The following UGT1A10 variants were observed in gnomAD, a reference collection of about 807,000 sequenced individuals.
UGT1A10 encodes the protein UDP-glucuronosyltransferase 1A10.
Under a neutral mutation model 45.8 loss-of-function variants are expected in UGT1A10, and 49 were observed. That is an observed-to-expected ratio of 1.07 (90% CI 0.85 to 1.36). The LOEUF is 1.36. Among genes scored for constraint, UGT1A10 ranks in the 40% most tolerant of loss-of-function variants. The pLI is 0.00. For missense variants in UGT1A10, 745 were observed against 668.6 expected, an observed-to-expected ratio of 1.11 and a Z score of -1.26; for synonymous variants, 284 against 249.7, an observed-to-expected ratio of 1.14 and a Z score of -1.29.
At chr2:233,683,902 G>A (rs2074655536) in intron 1 of UGT1A10, among the ~76,000 whole-genome samples, 1 of 151,996 alleles carries the variant, frequency 6.6e-6, no homozygotes, top group South Asian at 2.1e-4. Flanking sequence ...CTCTTATTTT[G>A]GCGGAGCATA....
At chr2:233,704,122 C>T (rs1488202849) in intron 1 of UGT1A10, among the ~76,000 whole-genome samples, 2 of 152,014 alleles carry the variant, frequency 1.3e-5, no homozygotes, top group African/African-American at 4.8e-5. Flanking sequence ...AACTCCTTAC[C>T]TCAAGTGATC....
chr2:233,725,184 GCAGA>G (rs1559370234), intron 1 of UGT1A10, among the ~76,000 whole-genome samples: 5 of 89,376 alleles, frequency 5.6e-5, no homozygotes, highest in African/African-American at 1.7e-4. Flanking sequence ...GTGGGGAGAG[GCAGA>G]GGCAGAGGCA....
chr2:233,760,970 C>T (rs767709240), intron 1 of UGT1A10: 2 of 1,614,170 alleles, frequency 1.2e-6, no homozygotes, highest in South Asian at 1.1e-5. Flanking sequence ...GTGGTTTATT[C>T]CCCGTATGCA....
chr2:233,647,161 A>G (rs1329548809), intron 1 of UGT1A10, among the ~76,000 whole-genome samples: 1 of 152,168 alleles, frequency 6.6e-6, no homozygotes, highest in Non-Finnish European at 1.5e-5. Flanking sequence ...ATCACGGGAA[A>G]CGCCCAGCCC....
chr2:233,704,701 T>C (rs960587846), intron 1 of UGT1A10, among the ~76,000 whole-genome samples: 4 of 152,232 alleles, frequency 2.6e-5, no homozygotes, highest in Non-Finnish European at 5.9e-5. Flanking sequence ...TGGTATCATT[T>C]CTTAGCCCAA....
At chr2:233,768,985 C>T (rs1366556370) in intron 4 of UGT1A10, among the ~76,000 whole-genome samples, 1 of 151,774 alleles carries the variant, frequency 6.6e-6, no homozygotes, top group East Asian at 1.9e-4. Context: ...AATTTTATTT[C>T]CCCCATTAGA....
chr2:233,745,240 T>C (rs1693048466), intron 1 of UGT1A10, among the ~76,000 whole-genome samples: 1 of 151,858 alleles, frequency 6.6e-6, no homozygotes, highest in Non-Finnish European at 1.5e-5. Flanking sequence ...CACTATTTAC[T>C]GTATCGAAAC....
At chr2:233,669,267 A>G (rs995327900) in intron 1 of UGT1A10, among the ~76,000 whole-genome samples, 4 of 148,548 alleles carry the variant, frequency 2.7e-5, no homozygotes, top group South Asian at 2.1e-4. Context: ...TTTTTTTTCT[A>G]TTTTTTAAAA....
chr2:233,687,751 T>A (rs2074861561), intron 1 of UGT1A10, among the ~76,000 whole-genome samples: 1 of 151,964 alleles, frequency 6.6e-6, no homozygotes, highest in Admixed American at 6.6e-5. Context: ...AAAAATGTTT[T>A]AAAAATTAGC....
At chr2:233,748,079 G>T in intron 1 of UGT1A10, 1 of 1,613,192 alleles carries the variant, frequency 6.2e-7, no homozygotes. Context: ...CACTATCTCA[G>T]GTCGGTGTTC....
At position 233,755,093 on chromosome 2, in the gene UGT1A10, C is replaced by T. The variant is rs566230339; in HGVS notation, c.856-11941C>T. 8.2e-6 allele frequency: 11 copies of T among 1,335,068 alleles called. No individual in the cohort carries two copies. The East Asian group carries it at 3.7e-4, about 44-fold the overall frequency. The allele number at this position is 1,335,068 out of a possible 1,614,324, so 82.7% of individuals were successfully genotyped here. A position where few individuals can be genotyped will look rare whatever the true frequency, so the allele number is the denominator to read the frequency against. ...AGCGGTCATAGATATCGCGTTTCTA[C>T]GCGTCCGACAACACCTCGTAGGCCT... On this transcript the variant is annotated intron_variant, in intron 1 of 4. Transcript: ENST00000344644.
At chr2:233,710,606 T>C (rs2076139270) in intron 1 of UGT1A10, among the ~76,000 whole-genome samples, 1 of 152,202 alleles carries the variant, frequency 6.6e-6, no homozygotes, top group African/African-American at 2.4e-5. Flanking sequence ...ATTGGTTTGT[T>C]TGTCTTCTTA....
At chr2:233,743,548 C>G in intron 1 of UGT1A10, 6 of 1,367,296 alleles carry the variant, frequency 4.4e-6, no homozygotes, top group Non-Finnish European at 5.9e-6. Flanking sequence ...CTGACCCCCC[C>G]AAAATATTCT....
chr2:233,690,627 A>G (rs1452524634), intron 1 of UGT1A10: 2 of 1,288,586 alleles, frequency 1.6e-6, no homozygotes, highest in Non-Finnish European at 2.0e-6. Context: ...CACTCAAGTG[A>G]TACCTGAGGA....
chr2:233,653,249 A>T (rs2073782309), intron 1 of UGT1A10, among the ~76,000 whole-genome samples: 1 of 152,240 alleles, frequency 6.6e-6, no homozygotes, highest in Non-Finnish European at 1.5e-5. Context: ...TTTGAAAAAC[A>T]TATAAAAACA....
chr2:233,671,976 G>A (rs376535701), intron 1 of UGT1A10: 12 of 1,613,952 alleles, frequency 7.4e-6, no homozygotes, highest in Non-Finnish European at 9.3e-6. Flanking sequence ...CTCTATGTGT[G>A]TGTCTGCTGC....
intron 1 of UGT1A10, among the ~76,000 whole-genome samples, chr2:233,727,242 A>C (rs2077595836): frequency 6.6e-6 from 1 of 152,070 alleles, no homozygotes. Flanking sequence ...CTCCAAGTCT[A>C]TCTGTGCAGC....
At chr2:233,713,529 T>A in intron 1 of UGT1A10, 1 of 1,613,944 alleles carries the variant, frequency 6.2e-7, no homozygotes, top group Non-Finnish European at 8.5e-7. Flanking sequence ...TCCATGTGAT[T>A]TAGACTTTAA....
intron 1 of UGT1A10, among the ~76,000 whole-genome samples, chr2:233,736,967 T>A (rs2078831080): frequency 6.6e-6 from 1 of 151,890 alleles, no homozygotes; most frequent in African/African-American, 2.4e-5. Context: ...TACTGGGAGG[T>A]GTTTCCCAGT....
Sources: allele counts gnomAD v4.1 joint callset (sites outside exome capture counted in the v4.1 genomes callset), GRCh38; gene constraint gnomAD v4.1.1; transcripts MANE v1.5; gene names NCBI Gene and HGNC (gene_info 2026-07-23, HGNC 2026-07-21).